MACF1: variants seen among roughly 807,000 people sequenced by gnomAD.
MACF1 encodes microtubule-actin cross-linking factor 1.
Under a neutral mutation model 854.8 loss-of-function variants are expected in MACF1, and 193 were observed. The observed-to-expected ratio is 0.23, with a 90% confidence interval of 0.20 to 0.25. The LOEUF is 0.25. Among genes scored for constraint, MACF1 ranks in the 10% least tolerant of loss-of-function variants. MACF1 has a pLI of 1.00. For missense variants in MACF1, 7,722 were observed against 8,929.1 expected, an observed-to-expected ratio of 0.86 and a Z score of 5.45; for synonymous variants, 3,185 against 3,226.7, an observed-to-expected ratio of 0.99 and a Z score of 0.44.
At chr1:39,436,130 G>T (rs972642165) in intron 70 of MACF1, 4 of 403,274 alleles carry the variant, frequency 9.9e-6, no homozygotes, top group African/African-American at 8.2e-5. Flanking sequence ...TAGAGCAACA[G>T]CACATTAGTT....
At chr1:39,268,749 C>A (rs1557553906) in intron 6 of MACF1, 13 of 1,288,982 alleles carry the variant, frequency 1.0e-5, no homozygotes, top group Non-Finnish European at 1.3e-5. Flanking sequence ...AATAGCTATT[C>A]CTGAGAAGGC....
intron 2 of MACF1, among the ~76,000 whole-genome samples, chr1:39,185,349 G>A (rs1050015913): frequency 4.6e-5 from 7 of 151,764 alleles, no homozygotes; most frequent in Non-Finnish European, 7.4e-5. Context: ...AGAAGAGCTG[G>A]GCATGGTAGC....
intron 2 of MACF1, among the ~76,000 whole-genome samples, chr1:39,239,304 CA>C (rs1644895141): frequency 6.6e-6 from 1 of 151,304 alleles, no homozygotes; most frequent in Admixed American, 6.6e-5. Context: ...AACAAACAAA[CA>C]AACAAACAAA....
chr1:39,448,578 C>A lies in MACF1; in HGVS notation c.20089-16C>A. On this transcript the variant is annotated splice_polypyrimidine_tract_variant and intron_variant, in intron 83 of 100. Coordinates refer to ENST00000564288, the MANE Select transcript of MACF1 (RefSeq NM_001394062.1). Reference sequence around the variant, plus strand: ...CTGACTTTTAACACTTTTTTCTTTTCTTTCTGGAAACATAGGAGTTTCAGA... The same window carrying A: ...CTGACTTTTAACACTTTTTTCTTTTATTTCTGGAAACATAGGAGTTTCAGA... 1 of 1,471,336 alleles carries A rather than the reference C, an allele frequency of 6.8e-7. No individual in the cohort carries two copies. The highest frequency in any genetic ancestry group is 2.4e-5 in the East Asian group (1 of 42,186). The allele number at this position is 1,471,336 out of a possible 1,614,324, so 91.1% of individuals were successfully genotyped here.
chr1:39,391,778 C>T (rs1642045291), intron 58 of MACF1, among the ~76,000 whole-genome samples: 2 of 152,182 alleles, frequency 1.3e-5, no homozygotes, highest in African/African-American at 4.8e-5. Flanking sequence ...TAGTATGTTG[C>T]CTAATAGTGC....
At chr1:39,365,790 C>T (rs1427377514) in intron 49 of MACF1, among the ~76,000 whole-genome samples, 1 of 151,942 alleles carries the variant, frequency 6.6e-6, no homozygotes, top group Non-Finnish European at 1.5e-5. Flanking sequence ...ATTCTCCTGC[C>T]TCAGGCTCCC....
intron 20 of MACF1, 28 bp downstream of exon 20, chr1:39,295,910 G>A (rs764184959): frequency 1.9e-6 from 3 of 1,588,758 alleles, no homozygotes; most frequent in Non-Finnish European, 8.6e-7. Flanking sequence ...GTTTGTGTGT[G>A]TGTGTACATA....
Position 39,385,669 on chromosome 1 carries a change from T to C in MACF1, c.14084T>C (p.Leu4695Ser), listed in dbSNP as rs1557623472. ...STQYQELLQD[L>S]SEKVRAVGQR... Reference sequence around the variant, plus strand: ...CAGTACCAGGAACTGCTCCAGGACTTATCAGAGAAGGTGAGGGCAGTTGGA... The same window carrying C: ...CAGTACCAGGAACTGCTCCAGGACTCATCAGAGAAGGTGAGGGCAGTTGGA... Residue 4695 changes from leucine (L) to serine (S), a missense_variant, in exon 57 of 101, where the codon TTA (leucine) becomes TCA (serine). Physicochemically the swap from Leu to Ser is moderately radical, Grantham distance 145 (BLOSUM62 -2). This residue lies in a region of MACF1 where 2,807 missense variants were observed against 3,235.8 expected (regional missense o/e 0.87). Transcript: ENST00000564288. The C allele has an allele frequency of 6.2e-7, 1 of 1,614,002 alleles. No homozygotes were observed. The highest frequency in any genetic ancestry group is 8.5e-7 in the Non-Finnish European group (1 of 1,180,034).
In MACF1 at chr1:39,441,955, A is replaced by G. The variant is rs184077740; in HGVS notation, c.18676A>G (p.Met6226Val). Residue 6226 changes from methionine (M) to valine (V), a missense_variant, in exon 75 of 101, where the codon ATG (methionine) becomes GTG (valine). By Grantham distance (21) the Met-to-Val change is conservative. Transcript: ENST00000564288. The stretch of plus-strand genomic sequence containing the variant: ...GTTTACTTGTCTTTTGTTCTAGGCT[A>G]TGTTTGACTGGCTAGATAACACTGT... ...AVQYQDTLQA[M>V]FDWLDNTVIK... 3.1e-6 allele frequency: 5 copies of G among 1,613,084 alleles called. No individual in the cohort carries two copies. Among genetic ancestry groups the G allele is most frequent in the Admixed American group, 1.7e-5 (1 of 59,982 alleles).
chr1:39,423,877 T>A, intron 60 of MACF1, 151 bp from the exon 61 acceptor site: 1 of 557,328 alleles, frequency 1.8e-6, no homozygotes, highest in South Asian at 2.3e-5. Flanking sequence ...CTGTGCTATA[T>A]CTCCTGTTTT....
intron 6 of MACF1, among the ~76,000 whole-genome samples, chr1:39,264,563 A>C (rs977555260): frequency 1.2e-4 from 19 of 152,212 alleles, no homozygotes; most frequent in Non-Finnish European, 2.2e-4. Context: ...CCAAATAAAT[A>C]GGCTGTAATG....
chr1:39,357,779 A>C lies in MACF1; in HGVS notation c.11829A>C (p.Lys3943Asn). 1 of 1,614,196 alleles carries C rather than the reference A, an allele frequency of 6.2e-7. No individual in the cohort carries two copies. Among genetic ancestry groups the C allele is most frequent in the South Asian group, 1.1e-5 (1 of 91,086 alleles). Residue 3943 changes from lysine to asparagine, a missense_variant, in exon 45 of 101, where the codon AAA becomes AAC. Transcript: ENST00000564288. Reference sequence around the variant, plus strand: ...GATTTGTGACTATCTCAGGACAGAAAGTCTTGGACATGGAAAACAGTTTTA... The same window carrying C: ...GATTTGTGACTATCTCAGGACAGAACGTCTTGGACATGGAAAACAGTTTTA... ...DLRFVTISGQ[K>N]VLDMENSFKE...
chr1:39,263,935 G>C (rs1974240), intron 6 of MACF1, among the ~76,000 whole-genome samples: 9 of 151,350 alleles, frequency 5.9e-5, no homozygotes, highest in Non-Finnish European at 1.2e-4. Flanking sequence ...CACCACACCC[G>C]GCTAATTTTT....
At chr1:39,438,423 A>C (rs1357962155) in intron 71 of MACF1, among the ~76,000 whole-genome samples, 2 of 152,224 alleles carry the variant, frequency 1.3e-5, no homozygotes, top group South Asian at 4.1e-4. Context: ...ATGATAGCTC[A>C]TTTCTGGATT....
intron 58 of MACF1, chr1:39,411,046 A>C (rs1450790350): frequency 1.2e-6 from 2 of 1,613,940 alleles, no homozygotes; most frequent in Admixed American, 3.3e-5. Flanking sequence ...AACCTGGCCG[A>C]GGGCCACAAA....
At chr1:39,423,993 T>C in intron 60 of MACF1, 35 bp from the exon 61 acceptor site, 7 of 1,535,504 alleles carry the variant, frequency 4.6e-6, no homozygotes, top group Non-Finnish European at 6.2e-6. Context: ...TTCAAAATGA[T>C]CCTGTGTTAC....
chr1:39,286,467 T>G (rs1475636423), intron 14 of MACF1, among the ~76,000 whole-genome samples: 2 of 151,546 alleles, frequency 1.3e-5, no homozygotes, highest in Non-Finnish European at 2.9e-5. Flanking sequence ...CTAGTTTTTT[T>G]TTTCCCCTTT....
chr1:39,117,424 A>T (rs1477004015), intron 2 of MACF1, among the ~76,000 whole-genome samples: 1 of 152,038 alleles, frequency 6.6e-6, no homozygotes, highest in Non-Finnish European at 1.5e-5. Context: ...ACTTGCCATG[A>T]GTCACACTGG....
At chr1:39,305,089 C>T (rs1224453388) in intron 23 of MACF1, among the ~76,000 whole-genome samples, 1 of 151,188 alleles carries the variant, frequency 6.6e-6, no homozygotes, top group East Asian at 2.0e-4. Flanking sequence ...GGTGAAACTC[C>T]GTCTCACTAA....
Sources: allele counts gnomAD v4.1 joint callset (sites outside exome capture counted in the v4.1 genomes callset), GRCh38; gene constraint gnomAD v4.1.1; regional missense constraint gnomAD v4.1.1; transcripts MANE v1.5; gene names NCBI Gene and HGNC (gene_info 2026-07-23, HGNC 2026-07-21).